SPTLC2: variants seen among roughly 807,000 people sequenced by gnomAD.
SPTLC2 encodes serine palmitoyltransferase 2.
SPTLC2 carries 21 observed loss-of-function variants against 62.0 expected under a neutral mutation model. That is an observed-to-expected ratio of 0.34 (90% CI 0.24 to 0.49). SPTLC2 has a LOEUF of 0.49. Ranked by LOEUF, SPTLC2 falls within the 20% of genes least tolerant of loss-of-function variation. The pLI, the probability that SPTLC2 is intolerant of heterozygous loss-of-function variation, is 0.99. For synonymous variants in SPTLC2, 261 were observed against 261.8 expected (o/e 1.00, Z 0.03); for missense variants, 511 against 713.0 (o/e 0.72, Z 3.23).
In SPTLC2 at chr14:77,506,000, C is replaced by A. The variant is rs1594961840; in HGVS notation, c.*6284G>T. On this transcript the variant is annotated 3_prime_UTR_variant, in exon 12 of 12. Transcript: ENST00000216484. ...GTTGAATGAATAAAGGCAGATATAT[C>A]TTTCTGAATATTTTATTAGGGCAAA... 1 of 152,134 alleles carries A rather than the reference C, an allele frequency of 6.6e-6. No homozygotes were observed. The highest frequency in any genetic ancestry group is 6.5e-5 in the Admixed American group (1 of 15,274). The allele number at this position is 152,134 out of a possible 1,614,324, so 9.4% of individuals were successfully genotyped here. A position where few individuals can be genotyped will look rare whatever the true frequency, so the allele number is the denominator to read the frequency against.
Position 77,552,215 on chromosome 14 carries a change from A to G in SPTLC2, c.1184T>C (p.Ile395Thr). ...ATGAGAATGTGTTCGCAGGTAGTCT[A>G]TCAGCTCCTGGGGAGTTCACAGAGG... ...GGYIGGKKELIDYLRTHSHSA... is the reference protein window; with the variant it reads ...GGYIGGKKELTDYLRTHSHSA... Residue 395 changes from isoleucine to threonine, a missense_variant, in exon 9 of 12, where the codon ATA becomes ACA. Physicochemically the swap from Ile to Thr is moderately conservative, Grantham distance 89. Coordinates refer to ENST00000216484, the MANE Select transcript of SPTLC2 (RefSeq NM_004863.4). 1 of 1,614,134 alleles carries G rather than the reference A, an allele frequency of 6.2e-7. No homozygotes were observed. The highest frequency in any genetic ancestry group is 8.5e-7 in the Non-Finnish European group (1 of 1,180,004).
rs35640441 is a variant in SPTLC2, at chr14:77,568,807, C to CAA, written c.756+1575_756+1576dup. Among the ~76,000 whole-genome samples, 137 of 62,382 alleles carry CAA rather than the reference C, an allele frequency of 2.2e-3. 1 individual carries two copies. Among genetic ancestry groups the CAA allele is most frequent in the African/African-American group, 6.9e-3 (127 of 18,314 alleles). 40.9% of individuals were successfully genotyped at this position (62,382 alleles called of 152,430 possible). Reference sequence around the variant, plus strand: ...TGGGCAAGAGAGCGAGACTCTGTCTCAAAAAAAAAAAAAAAAAAGAGAGAG... The same window carrying CAA: ...TGGGCAAGAGAGCGAGACTCTGTCTCAAAAAAAAAAAAAAAAAAAAGAGAGAG... On this transcript the variant is annotated intron_variant, in intron 5 of 11. Transcript: ENST00000216484.
chr14:77,512,477 T>C, intron 11 of SPTLC2, 74 bp from the exon 12 acceptor site: 1 of 1,605,908 alleles, frequency 6.2e-7, no homozygotes, highest in South Asian at 1.1e-5. Context: ...TTTACTTTGC[T>C]AAAAACAATC....
intron 2 of SPTLC2, among the ~76,000 whole-genome samples, chr14:77,591,604 A>G (rs1226995216): frequency 1.3e-5 from 2 of 152,184 alleles, no homozygotes; most frequent in Non-Finnish European, 2.9e-5. Flanking sequence ...TCCATTGTCC[A>G]GGGTGGAGTG....
chr14:77,556,484 A>G (rs759283751), intron 7 of SPTLC2, among the ~76,000 whole-genome samples: 8 of 135,846 alleles, frequency 5.9e-5, no homozygotes, highest in Non-Finnish European at 1.2e-4. Context: ...GACACAAAAG[A>G]ACAAAAAAAA....
rs1478733397 is a variant in SPTLC2 at position 77,506,643 on chromosome 14, G to A, written c.*5641C>T. 2 of 152,236 alleles carry A rather than the reference G, an allele frequency of 1.3e-5. No homozygotes were observed. The highest frequency in any genetic ancestry group is 2.1e-4 in the South Asian group (1 of 4,830). The allele number at this position is 152,236 out of a possible 1,614,324, so 9.4% of individuals were successfully genotyped here. ...ACCACGCCACCCTAGTCAGTGACAT[G>A]TACTCCACTTTCCAGGAAGACCTGG... On this transcript the variant is annotated 3_prime_UTR_variant, in exon 12 of 12. Transcript: ENST00000216484.
At position 77,563,934 on chromosome 14, in the gene SPTLC2, C is replaced by T. The variant is rs181477859; in HGVS notation, c.757-1445G>A. ...CATAGTATTTATTAAGATAAAAAAG[C>T]TACCTGGTTAAAAATGTACAGATTA... On this transcript the variant is annotated intron_variant, in intron 5 of 11. Coordinates refer to ENST00000216484, the MANE Select transcript of SPTLC2 (RefSeq NM_004863.4). 3.3e-5 allele frequency among the ~76,000 whole-genome samples: 5 copies of T among 150,806 alleles called. No homozygotes were observed. The East Asian group carries it at 9.7e-4, about 29-fold the overall frequency.
At chr14:77,539,740 T>C (rs557139627) in intron 9 of SPTLC2, among the ~76,000 whole-genome samples, 5 of 152,224 alleles carry the variant, frequency 3.3e-5, no homozygotes, top group Non-Finnish European at 7.4e-5. Flanking sequence ...TCTGCCAGTC[T>C]TGGCCTTCCA....
At position 77,557,120 on chromosome 14, in the gene SPTLC2, T is replaced by C; in HGVS notation, c.877A>G (p.Lys293Glu). 1 of 1,613,774 alleles carries C rather than the reference T, an allele frequency of 6.2e-7. No individual in the cohort carries two copies. Among genetic ancestry groups the C allele is most frequent in the Non-Finnish European group, 8.5e-7 (1 of 1,180,018 alleles). ...GGCTGACCATAAACAATGGCATCTTTCAATAGCTTCTCTAGGCTTTGCATA... is the reference window on the plus strand; with the variant it reads ...GGCTGACCATAAACAATGGCATCTTCCAATAGCTTCTCTAGGCTTTGCATA... ...NNMQSLEKLL[K>E]DAIVYGQPRT... Residue 293 changes from lysine (K) to glutamate (E), a missense_variant, in exon 7 of 12, where the codon AAA (lysine) becomes GAA (glutamate). Physicochemically the swap from Lys to Glu is moderately conservative, Grantham distance 56. Transcript: ENST00000216484.
At position 77,511,853 on chromosome 14, in the gene SPTLC2, A is replaced by G. The variant is rs2079333798; in HGVS notation, c.*431T>C. 8.8e-6 allele frequency: 2 copies of G among 226,324 alleles called. No individual in the cohort carries two copies. Among genetic ancestry groups the G allele is most frequent in the Non-Finnish European group, 1.8e-5 (2 of 112,628 alleles). 14.0% of individuals were successfully genotyped at this position (226,324 alleles called of 1,614,324 possible). ...CCTGGATGGGAAGTAAGTGGAAGGC[A>G]CTTGCTCCCTAGGGAGGAGGGCCAG... On this transcript the variant is annotated 3_prime_UTR_variant, in exon 12 of 12. Coordinates refer to ENST00000216484, the MANE Select transcript of SPTLC2 (RefSeq NM_004863.4).
At chr14:77,524,355 G>A (rs956872828) in intron 9 of SPTLC2, among the ~76,000 whole-genome samples, 1 of 151,490 alleles carries the variant, frequency 6.6e-6, no homozygotes, top group South Asian at 2.1e-4. Context: ...TTACAGGAGT[G>A]AGCCACCATG....
chr14:77,555,892 T>C (rs1298752845), intron 7 of SPTLC2, among the ~76,000 whole-genome samples: 1 of 152,148 alleles, frequency 6.6e-6, no homozygotes, highest in Non-Finnish European at 1.5e-5. Context: ...GTTCTGGGGT[T>C]ACAGGAATAA....
chr14:77,522,940 T>C (rs1477219058), intron 9 of SPTLC2, among the ~76,000 whole-genome samples: 1 of 152,234 alleles, frequency 6.6e-6, no homozygotes, highest in Non-Finnish European at 1.5e-5. Flanking sequence ...GAAGCTACTC[T>C]ATATAAGTTG....
chr14:77,563,523 T>G (rs957077124), intron 5 of SPTLC2, among the ~76,000 whole-genome samples: 3 of 152,172 alleles, frequency 2.0e-5, no homozygotes, highest in Non-Finnish European at 4.4e-5. Context: ...CCTCCCAGAT[T>G]CAAGCGATTC....
At chr14:77,536,647 G>A (rs1423822897) in intron 9 of SPTLC2, among the ~76,000 whole-genome samples, 1 of 151,960 alleles carries the variant, frequency 6.6e-6, no homozygotes, top group African/African-American at 2.4e-5. Flanking sequence ...TGTGGGAGGT[G>A]GGTCAAGTAA....
chr14:77,532,303 C>A (rs528848419), intron 9 of SPTLC2, among the ~76,000 whole-genome samples: 1 of 152,026 alleles, frequency 6.6e-6, no homozygotes, highest in Admixed American at 6.6e-5. Flanking sequence ...TAAATGCTCA[C>A]GTGAATGAAT....
chr14:77,533,446 T>C (rs998826475), intron 9 of SPTLC2, among the ~76,000 whole-genome samples: 2 of 152,140 alleles, frequency 1.3e-5, no homozygotes, highest in Non-Finnish European at 2.9e-5. Context: ...TACGGTAATA[T>C]TGACAAAGTA....
Position 77,509,136 on chromosome 14 carries a change from G to A in SPTLC2, c.*3148C>T, listed in dbSNP as rs1281205453. 1 of 152,152 alleles carries A rather than the reference G, an allele frequency of 6.6e-6. No homozygotes were observed. Among genetic ancestry groups the A allele is most frequent in the Non-Finnish European group, 1.5e-5 (1 of 68,030 alleles). 9.4% of individuals were successfully genotyped at this position (152,152 alleles called of 1,614,324 possible). On this transcript the variant is annotated 3_prime_UTR_variant, in exon 12 of 12. Coordinates refer to ENST00000216484, the MANE Select transcript of SPTLC2 (RefSeq NM_004863.4). ...TCCTTGCCCTATCATGAATGTTTAC[G>A]ATAGTGACTAAAGCACTACGATGGC...
Position 77,518,714 on chromosome 14 carries a change from G to T in SPTLC2, c.1440-547C>A, listed in dbSNP as rs139527902. Among the ~76,000 whole-genome samples the T allele has an allele frequency of 8.3e-4, 127 of 152,156 alleles. 1 individual carries two copies. Among genetic ancestry groups the T allele is most frequent in the African/African-American group, 2.9e-3 (122 of 41,510 alleles). ...AAGCTTGGCAGTTTAACATTAATCC[G>T]CAAATTCTGAGGATTCTGCAGCTGT... On this transcript the variant is annotated intron_variant, in intron 10 of 11. Coordinates refer to ENST00000216484, the MANE Select transcript of SPTLC2 (RefSeq NM_004863.4).
Sources: allele counts gnomAD v4.1 joint callset (sites outside exome capture counted in the v4.1 genomes callset), GRCh38; gene constraint gnomAD v4.1.1; transcripts MANE v1.5; gene names NCBI Gene and HGNC (gene_info 2026-07-23, HGNC 2026-07-21).